USP37: variants seen among roughly 807,000 people sequenced by gnomAD.
USP37 encodes ubiquitin specific peptidase 37.
A neutral mutation model predicts 124.0 loss-of-function variants in USP37; 27 were observed. The ratio of observed to expected loss-of-function variants is 0.22; its 90% confidence interval spans 0.16 to 0.30. USP37 has a LOEUF of 0.30. Ranked by LOEUF, USP37 falls within the 10% of genes least tolerant of loss-of-function variation. USP37 has a pLI of 1.00. For synonymous variants in USP37, 365 were observed against 388.0 expected, an observed-to-expected ratio of 0.94 and a Z score of 0.70; for missense variants, 889 against 1,140.4, an observed-to-expected ratio of 0.78 and a Z score of 3.17.
intron 14 of USP37, among the ~76,000 whole-genome samples, chr2:218,494,923 A>C (rs1334527699): frequency 6.6e-6 from 1 of 152,200 alleles, no homozygotes; most frequent in African/African-American, 2.4e-5. Context: ...ATTTTTAGTA[A>C]AAATAATTTG....
chr2:218,518,113 G>A (rs1256078018), intron 10 of USP37, among the ~76,000 whole-genome samples: 1 of 151,934 alleles, frequency 6.6e-6, no homozygotes, highest in Admixed American at 6.6e-5. Context: ...ATGCCATCAT[G>A]CTTGACTAAT....
At chr2:218,479,283 A>T (rs1333331672) in intron 18 of USP37, among the ~76,000 whole-genome samples, 1 of 152,194 alleles carries the variant, frequency 6.6e-6, no homozygotes, top group East Asian at 1.9e-4. Context: ...TTCCATGCCT[A>T]TCTTTAAGGA....
At position 218,463,853 on chromosome 2, in the gene USP37, G is replaced by GT. The variant is rs1559162855; in HGVS notation, c.2467-488_2467-487insA. 4.1e-4 allele frequency among the ~76,000 whole-genome samples: 53 copies of GT among 129,236 alleles called. 2 individuals carry two copies. Among genetic ancestry groups the GT allele is most frequent in the South Asian group, 4.9e-4 (2 of 4,090 alleles). The allele number at this position is 129,236 out of a possible 152,430, so 84.8% of individuals were successfully genotyped here. A position where few individuals can be genotyped will look rare whatever the true frequency, so the allele number is the denominator to read the frequency against. ...CCCGGCCCACTCCAGTATTTTTTAA[G>GT]ATTTTTTTTTTTTTTTTTTTTGAGA... On this transcript the variant is annotated intron_variant, in intron 21 of 25. Transcript: ENST00000258399.
intron 7 of USP37, 122 bp downstream of exon 7, chr2:218,546,797 A>G: frequency 9.2e-7 from 1 of 1,081,598 alleles, no homozygotes; most frequent in East Asian, 2.5e-5. Context: ...AAATACTTGT[A>G]ATCATTACAT....
intron 8 of USP37, among the ~76,000 whole-genome samples, chr2:218,538,687 C>T (rs1173823220): frequency 6.6e-6 from 1 of 152,140 alleles, no homozygotes; most frequent in African/African-American, 2.4e-5. Context: ...GACTGAGACC[C>T]TGATCCAAGG....
In USP37 at chr2:218,510,006, G is replaced by A. The variant is rs144252089; in HGVS notation, c.998C>T (p.Ser333Phe). The change falls in exon 11 of 26, where the codon TCC (serine) becomes TTC (phenylalanine). Residue 333 changes from serine to phenylalanine, a missense_variant. Physicochemically the swap from Ser to Phe is radical, Grantham distance 155. Around this residue, in one of 3 missense-constraint regions of USP37, gnomAD observed 374 missense variants for 386.0 expected, o/e 0.97. Coordinates refer to ENST00000258399, the MANE Select transcript of USP37 (RefSeq NM_020935.3). The stretch of plus-strand genomic sequence containing the variant: ...CTGCAGTTGCTGCTGTTGGTGAGAG[G>A]AAAGGGGCACTCTTGGTTTATTCCA... ...TGWNKPRVPL[S>F]SHQQQQLQGF... The A allele has an allele frequency of 1.5e-3, 2,334 of 1,588,358 alleles. 4 individuals carry two copies. The highest frequency in any genetic ancestry group is 1.9e-3 in the Non-Finnish European group (2,188 of 1,162,706).
Position 218,558,629 on chromosome 2 carries a change from G to C in USP37, c.25C>G (p.Pro9Ala), listed in dbSNP as rs1693154514. The change falls in exon 4 of 26, where the codon CCT (proline) becomes GCT (alanine). Residue 9 changes from proline (P) to alanine (A), a missense_variant. This residue lies in a region of USP37 where 374 missense variants were observed against 386.0 expected (regional missense o/e 0.97). Coordinates refer to ENST00000258399, the MANE Select transcript of USP37 (RefSeq NM_020935.3). MSPLKIHG[P>A]IRIRSMQTGI... ...GTCTGCATACTTCGAATTCTGATAG[G>C]ACCATGTATCTTCAGAGGAGACATA... The C allele has an allele frequency of 6.2e-7, 1 of 1,610,414 alleles. No individual in the cohort carries two copies. The highest frequency in any genetic ancestry group is 1.3e-5 in the African/African-American group (1 of 74,752).
At chr2:218,553,816 T>A in intron 4 of USP37, 92 bp from the exon 5 acceptor site, 2 of 1,250,860 alleles carry the variant, frequency 1.6e-6, no homozygotes, top group Non-Finnish European at 2.1e-6. Context: ...ATACTTTCCA[T>A]GTTACATTTA....
At chr2:218,466,449 T>C (rs1227526686) in intron 20 of USP37, among the ~76,000 whole-genome samples, 2 of 152,064 alleles carry the variant, frequency 1.3e-5, no homozygotes, top group Non-Finnish European at 2.9e-5. Context: ...CTCTACCTAC[T>C]AGATATTAGT....
intron 10 of USP37, among the ~76,000 whole-genome samples, chr2:218,527,521 A>T (rs898981942): frequency 1.3e-5 from 2 of 152,100 alleles, no homozygotes; most frequent in Non-Finnish European, 2.9e-5. Context: ...GCCTTTGCAC[A>T]CTATTAGTTT....
chr2:218,553,895 T>C (rs1293860050), intron 4 of USP37, among the ~76,000 whole-genome samples, 171 bp from the exon 5 acceptor site: 1 of 152,216 alleles, frequency 6.6e-6, no homozygotes, highest in Non-Finnish European at 1.5e-5. Flanking sequence ...TACATTTAAA[T>C]TAAAGATTTA....
At position 218,488,360 on chromosome 2, in the gene USP37, T is replaced by C; in HGVS notation, c.1534A>G (p.Arg512Gly). 1 of 1,613,166 alleles carries C rather than the reference T, an allele frequency of 6.2e-7. No individual in the cohort carries two copies. Among genetic ancestry groups the C allele is most frequent in the East Asian group, 2.2e-5 (1 of 44,826 alleles). ...FNDLSIDLPR[R>G]KKPLPPRSIQ... Reference sequence around the variant, plus strand: ...GAACGAGGAGGGAGTGGTTTTTTCCTACGAGGAAGGTCAATAGAGAGGTCA... The same window carrying C: ...GAACGAGGAGGGAGTGGTTTTTTCCCACGAGGAAGGTCAATAGAGAGGTCA... Residue 512 changes from arginine to glycine, a missense_variant, in exon 15 of 26, where the codon AGG becomes GGG. Arg to Gly is a moderately radical substitution (Grantham distance 125). Around this residue, in one of 3 missense-constraint regions of USP37, gnomAD observed 504 missense variants for 714.3 expected, o/e 0.71. Coordinates refer to ENST00000258399, the MANE Select transcript of USP37 (RefSeq NM_020935.3).
chr2:218,460,255 T>TC (rs200082793), intron 22 of USP37, among the ~76,000 whole-genome samples: 3 of 147,166 alleles, frequency 2.0e-5, no homozygotes, highest in African/African-American at 7.8e-5. Flanking sequence ...CAAAACTCTG[T>TC]CCCAAAAAAA....
At chr2:218,546,561 G>A (rs1692334915) in intron 7 of USP37, among the ~76,000 whole-genome samples, 1 of 152,126 alleles carries the variant, frequency 6.6e-6, no homozygotes, top group African/African-American at 2.4e-5. Flanking sequence ...TGGGACTATA[G>A]GCGTGTGCCA....
chr2:218,485,812 C>T, intron 15 of USP37, 69 bp from the exon 16 acceptor site: 1 of 1,530,024 alleles, frequency 6.5e-7, no homozygotes, highest in Non-Finnish European at 8.9e-7. Flanking sequence ...AAATAATTTG[C>T]TCTAGTCTTA....
At chr2:218,514,986 C>A (rs678218) in intron 10 of USP37, among the ~76,000 whole-genome samples, 70,499 of 151,898 alleles carry the variant, frequency 0.46, 19,518 homozygotes, top group East Asian at 0.78. Flanking sequence ...CTGTGTCTTT[C>A]GGACATTTCC....
intron 4 of USP37, among the ~76,000 whole-genome samples, chr2:218,554,961 C>G (rs935830889): frequency 6.6e-6 from 1 of 152,008 alleles, no homozygotes; most frequent in African/African-American, 2.4e-5. Context: ...TAAGAAAACT[C>G]ACTTAAGTTT....
At chr2:218,492,775 AG>A (rs1330353139) in intron 14 of USP37, among the ~76,000 whole-genome samples, 1 of 152,322 alleles carries the variant, frequency 6.6e-6, no homozygotes, top group African/African-American at 2.4e-5. Context: ...TGGGAGGCCA[AG>A]GTGGGAGGGT....
At position 218,507,198 on chromosome 2, in the gene USP37, T is replaced by C. The variant is rs144431073; in HGVS notation, c.1025+2781A>G. 2.6e-3 allele frequency among the ~76,000 whole-genome samples: 396 copies of C among 152,048 alleles called. 2 individuals carry two copies. Among genetic ancestry groups the C allele is most frequent in the African/African-American group, 8.5e-3 (353 of 41,472 alleles). On this transcript the variant is annotated intron_variant, in intron 11 of 25. Transcript: ENST00000258399. ...TTTTTTTGAGATGGAGTCTCACAGTTGTCCAGGCTGGAGTAGAGTGGTGCA... is the reference window on the plus strand; with the variant it reads ...TTTTTTTGAGATGGAGTCTCACAGTCGTCCAGGCTGGAGTAGAGTGGTGCA...
Sources: allele counts gnomAD v4.1 joint callset (sites outside exome capture counted in the v4.1 genomes callset), GRCh38; gene constraint gnomAD v4.1.1; regional missense constraint gnomAD v4.1.1; transcripts MANE v1.5; gene names NCBI Gene and HGNC (gene_info 2026-07-23, HGNC 2026-07-21).